ALMS1: variants seen among roughly 807,000 people sequenced by gnomAD.
ALMS1 encodes the protein ALMS1 centrosome and basal body associated protein.
A neutral mutation model predicts 352.2 loss-of-function variants in ALMS1; 271 were observed. The ratio of observed to expected loss-of-function variants is 0.77; its 90% CI spans 0.70 to 0.85. The LOEUF (loss-of-function observed/expected upper bound fraction) is 0.85. ALMS1 is among the 40% of genes least tolerant of loss of function. The probability of loss-of-function intolerance (pLI) is 0.00; values close to 1 mark genes in which losing one functional copy is unlikely to be tolerated. For missense variants in ALMS1, 5,445 were observed against 4,870.7 expected, an observed-to-expected ratio of 1.12 and a Z score of -3.51; for synonymous variants, 1,865 against 1,761.2, an observed-to-expected ratio of 1.06 and a Z score of -1.48.
chr2:73,489,976 G>A lies in ALMS1; in HGVS notation c.8017G>A (p.Asp2673Asn), dbSNP rs2017116. ...CAGCAAAGGTCTTCGAATGCCATTC[G>A]ATGAAAAGATGGACCCTTGGCTGTC... ...KISKGLRMPF[D>N]EKMDPWLSEL... Residue 2673 changes from aspartate (D) to asparagine (N), a missense_variant, in exon 10 of 23, where the codon GAT becomes AAT. Transcript: ENST00000613296. 3.1e-6 allele frequency: 5 copies of A among 1,614,084 alleles called. No homozygotes were observed. Among genetic ancestry groups the A allele is most frequent in the South Asian group, 2.2e-5 (2 of 91,080 alleles).
intron 10 of ALMS1, among the ~76,000 whole-genome samples, chr2:73,510,012 T>A (rs1365810459): frequency 6.6e-6 from 1 of 152,226 alleles, no homozygotes; most frequent in East Asian, 1.9e-4. Flanking sequence ...TCGATTCAGC[T>A]ATTGATACTT....
At chr2:73,535,399 C>T (rs751759911) in intron 12 of ALMS1, among the ~76,000 whole-genome samples, 3 of 151,976 alleles carry the variant, frequency 2.0e-5, no homozygotes, top group Non-Finnish European at 2.9e-5. Context: ...AAAATTTGTT[C>T]ATAAATAACA....
intron 2 of ALMS1, among the ~76,000 whole-genome samples, chr2:73,412,722 G>T (rs1225322722): frequency 6.6e-6 from 1 of 152,136 alleles, no homozygotes. Flanking sequence ...CTTGAACCTG[G>T]GAGGCAGAGG....
chr2:73,407,036 A>G (rs967918835), intron 1 of ALMS1, among the ~76,000 whole-genome samples: 1 of 152,258 alleles, frequency 6.6e-6, no homozygotes, highest in African/African-American at 2.4e-5. Context: ...GCTTATAACA[A>G]TACTTGAAAC....
intron 12 of ALMS1, among the ~76,000 whole-genome samples, chr2:73,537,289 G>A (rs1301687108): frequency 6.6e-6 from 1 of 152,192 alleles, no homozygotes; most frequent in Non-Finnish European, 1.5e-5. Context: ...TCTTTGAAAG[G>A]CGCTGACATA....
At chr2:73,575,050 C>T (rs1202272964) in intron 16 of ALMS1, among the ~76,000 whole-genome samples, 2 of 152,186 alleles carry the variant, frequency 1.3e-5, no homozygotes, top group Non-Finnish European at 2.9e-5. Flanking sequence ...GCTTCTCTCT[C>T]TTAGACACAG....
intron 1 of ALMS1, among the ~76,000 whole-genome samples, chr2:73,401,790 G>T (rs1670876771): frequency 6.6e-6 from 1 of 151,578 alleles, no homozygotes; most frequent in Non-Finnish European, 1.5e-5. Context: ...TGCTAAACTT[G>T]CTGATCCATC....
chr2:73,485,269 C>A (rs1229572419), intron 9 of ALMS1, among the ~76,000 whole-genome samples: 1 of 152,190 alleles, frequency 6.6e-6, no homozygotes, highest in Non-Finnish European at 1.5e-5. Flanking sequence ...GATGTCCTTT[C>A]TATTTGTTAA....
In ALMS1 at chr2:73,597,725, C is replaced by T. The variant is rs528585233; in HGVS notation, c.11548-1676C>T. 5.3e-5 allele frequency among the ~76,000 whole-genome samples: 8 copies of T among 151,448 alleles called. No homozygotes were observed. The East Asian group carries it at 5.8e-4, about 11-fold the overall frequency. ...GGTTATGGCTTGCCTAAATAGAGAC[C>T]GCTAATAAAGGGAAGACCTGAAACT... On this transcript the variant is annotated intron_variant, in intron 16 of 22. Coordinates refer to ENST00000613296, the MANE Select transcript of ALMS1 (RefSeq NM_001378454.1).
intron 17 of ALMS1, among the ~76,000 whole-genome samples, chr2:73,600,001 T>TGGAA (rs1444210343): frequency 6.6e-6 from 1 of 152,228 alleles, no homozygotes; most frequent in Admixed American, 6.5e-5. Flanking sequence ...TGAATGAAAT[T>TGGAA]CTACATAGAA....
intron 7 of ALMS1, among the ~76,000 whole-genome samples, chr2:73,439,099 T>C (rs1392951473): frequency 3.3e-5 from 5 of 149,418 alleles, no homozygotes; most frequent in African/African-American, 1.0e-4. Context: ...CTTCTTTCTT[T>C]TTCTCCTCCT....
At chr2:73,467,297 C>T (rs972872758) in intron 9 of ALMS1, among the ~76,000 whole-genome samples, 6 of 152,048 alleles carry the variant, frequency 3.9e-5, no homozygotes, top group Non-Finnish European at 4.4e-5. Context: ...ATTATTCCTA[C>T]CCAAAGACTT....
At chr2:73,601,774 T>C (rs1675695728) in intron 19 of ALMS1, among the ~76,000 whole-genome samples, 1 of 152,254 alleles carries the variant, frequency 6.6e-6, no homozygotes, top group South Asian at 2.1e-4. Context: ...TGTTCCTCCA[T>C]GTCCGTAGCT....
rs1041301597 is a variant in ALMS1 at position 73,490,413 on chromosome 2, A to G, written c.8454A>G (p.Thr2818=). 2 of 1,614,068 alleles carry G rather than the reference A, an allele frequency of 1.2e-6. No individual in the cohort carries two copies. Among genetic ancestry groups the G allele is most frequent in the Non-Finnish European group, 1.7e-6 (2 of 1,180,040 alleles). ...EEKPLERSDF[T]GSHSEPSTRA... ...AACCCTTAGAAAGATCAGATTTTAC[A>G]GGCAGTCATTCTGAGCCCAGTACCA... Residue 2818 remains threonine (T), a synonymous_variant, in exon 10 of 23, where the codon ACA becomes ACG. Transcript: ENST00000613296.
At chr2:73,409,535 A>G (rs1467777580) in intron 2 of ALMS1, among the ~76,000 whole-genome samples, 1 of 152,220 alleles carries the variant, frequency 6.6e-6, no homozygotes, top group Admixed American at 6.5e-5. Flanking sequence ...TTATTTTGAA[A>G]GAACAAACCT....
In ALMS1 at chr2:73,453,533, A is replaced by G. The variant is rs1671995271; in HGVS notation, c.7006A>G (p.Ile2336Val). The G allele has an allele frequency of 1.9e-6, 3 of 1,613,826 alleles. No individual in the cohort carries two copies. The highest frequency in any genetic ancestry group is 2.5e-6 in the Non-Finnish European group (3 of 1,179,966). The change falls in exon 8 of 23, where the codon ATT becomes GTT. Residue 2336 changes from isoleucine (I) to valine (V), a missense_variant. Transcript: ENST00000613296. ...SPSSRCIQKD[I>V]GTQTNLKCRR... ...AAGCAGCAGGTGCATACAGAAGGATATTGGCACACAGACGAATTTGAAATG... is the reference window on the plus strand; with the variant it reads ...AAGCAGCAGGTGCATACAGAAGGATGTTGGCACACAGACGAATTTGAAATG...
chr2:73,492,206 A>G (rs1203340226), intron 10 of ALMS1, among the ~76,000 whole-genome samples: 1 of 152,100 alleles, frequency 6.6e-6, no homozygotes, highest in Non-Finnish European at 1.5e-5. Context: ...AAGCAGAACT[A>G]CCTGTATGTT....
At chr2:73,585,771 C>G (rs1022778836) in intron 16 of ALMS1, among the ~76,000 whole-genome samples, 5 of 139,898 alleles carry the variant, frequency 3.6e-5, no homozygotes, top group Non-Finnish European at 7.5e-5. Context: ...TCTTGTTGCC[C>G]TGGCTGGAGT....
chr2:73,402,310 G>A (rs1670889915), intron 1 of ALMS1, among the ~76,000 whole-genome samples: 1 of 117,158 alleles, frequency 8.5e-6, no homozygotes, highest in Non-Finnish European at 1.6e-5. Context: ...ATCTCGCTCT[G>A]TTGCTCAGGC....
Sources: allele counts gnomAD v4.1 joint callset (sites outside exome capture counted in the v4.1 genomes callset), GRCh38; gene constraint gnomAD v4.1.1; transcripts MANE v1.5; gene names NCBI Gene and HGNC (gene_info 2026-07-23, HGNC 2026-07-21).